Variants in CAMTA1 observed in about 807,000 individuals in gnomAD.
The protein encoded by CAMTA1 is calmodulin-binding transcription activator 1.
CAMTA1 carries 27 observed loss-of-function variants against 170.9 expected under a neutral mutation model. The observed-to-expected ratio is 0.16, with a 90% CI of 0.12 to 0.22. The LOEUF (loss-of-function observed/expected upper bound fraction) is 0.22. CAMTA1 is among the 10% of genes least tolerant of loss of function. The probability of loss-of-function intolerance (pLI) is 1.00; values close to 1 mark genes in which losing one functional copy is unlikely to be tolerated. For missense variants in CAMTA1, 1,619 were observed against 2,217.2 expected (o/e 0.73, Z 5.42); for synonymous variants, 833 against 891.5 (o/e 0.93, Z 1.17).
intron 21 of CAMTA1, among the ~76,000 whole-genome samples, chr1:7,755,299 C>G (rs2096923405): frequency 7.0e-6 from 1 of 142,330 alleles, no homozygotes; most frequent in African/African-American, 2.7e-5. Context: ...TGCTCTCCAG[C>G]CTGGGCGACA....
chr1:6,792,390 T>C (rs1641369622), intron 1 of CAMTA1, among the ~76,000 whole-genome samples: 1 of 151,778 alleles, frequency 6.6e-6, no homozygotes, highest in African/African-American at 2.4e-5. Context: ...ATTTCTAAGG[T>C]TGTATTGCAT....
intron 11 of CAMTA1, among the ~76,000 whole-genome samples, chr1:7,686,534 G>T (rs1411815625): frequency 2.0e-5 from 3 of 151,930 alleles, no homozygotes; most frequent in Admixed American, 6.5e-5. Context: ...ATGGGAGAGG[G>T]CCAGGGGGTT....
intron 11 of CAMTA1, among the ~76,000 whole-genome samples, chr1:7,705,138 T>C (rs905180024): frequency 6.7e-6 from 1 of 149,006 alleles, no homozygotes; most frequent in African/African-American, 2.5e-5. Context: ...CGCGCGTTTC[T>C]GGCGCGAGTG....
At chr1:6,945,007 G>T (rs944414873) in intron 3 of CAMTA1, among the ~76,000 whole-genome samples, 16 of 152,114 alleles carry the variant, frequency 1.1e-4, no homozygotes, top group African/African-American at 3.9e-4. Flanking sequence ...GTCGAGGAGC[G>T]CCTGCGTGTG....
chr1:7,427,911 C>G (rs749584015), intron 5 of CAMTA1, among the ~76,000 whole-genome samples: 9 of 152,174 alleles, frequency 5.9e-5, no homozygotes, highest in Non-Finnish European at 1.0e-4. Context: ...GCGACTCATC[C>G]TTTCCTTTCT....
chr1:7,045,667 A>G (rs1705270244), intron 3 of CAMTA1, among the ~76,000 whole-genome samples: 1 of 152,258 alleles, frequency 6.6e-6, no homozygotes, highest in Non-Finnish European at 1.5e-5. Context: ...GATTCCAGAT[A>G]TGAAATTGGC....
chr1:7,110,453 C>T (rs1021033997), intron 4 of CAMTA1, among the ~76,000 whole-genome samples: 1 of 152,172 alleles, frequency 6.6e-6, no homozygotes, highest in Non-Finnish European at 1.5e-5. Flanking sequence ...AGCTGAATTG[C>T]CCGAGCAGGC....
Position 7,493,309 on chromosome 1 carries a change from GCACA to G in CAMTA1, c.510+25411_510+25414del, listed in dbSNP as rs993770128. Reference sequence around the variant, plus strand: ...CGCACAAACACAAACATACAAATGCGCACACAAACAAACCTACGTACACACACAT... The same window carrying G: ...CGCACAAACACAAACATACAAATGCGCAAACAAACCTACGTACACACACAT... On this transcript the variant is annotated intron_variant, in intron 6 of 22. Transcript: ENST00000303635. Among the ~76,000 whole-genome samples the G allele has an allele frequency of 1.4e-4, 10 of 70,222 alleles. 1 individual carries two copies. The highest frequency in any genetic ancestry group is 2.8e-4 in the Admixed American group (2 of 7,104). The allele number at this position is 70,222 out of a possible 152,430, so 46.1% of individuals were successfully genotyped here. A position where few individuals can be genotyped will look rare whatever the true frequency, so the allele number is the denominator to read the frequency against.
chr1:7,208,517 A>G (rs1249184148), intron 4 of CAMTA1, among the ~76,000 whole-genome samples: 1 of 152,042 alleles, frequency 6.6e-6, no homozygotes, highest in Admixed American at 6.5e-5. Flanking sequence ...CAGGGGCTTG[A>G]CTCTTGAAAA....
intron 6 of CAMTA1, among the ~76,000 whole-genome samples, chr1:7,552,767 T>C (rs1339452178): frequency 6.6e-6 from 1 of 152,220 alleles, no homozygotes; most frequent in African/African-American, 2.4e-5. Context: ...GAGGCTGGGT[T>C]AGGGGAAGAG....
intron 4 of CAMTA1, among the ~76,000 whole-genome samples, chr1:7,151,603 G>A (rs559675460): frequency 5.8e-4 from 89 of 152,270 alleles, no homozygotes; most frequent in Admixed American, 2.0e-3. Context: ...CCAATTCCTC[G>A]CTATGCCCAA....
At chr1:7,187,929 T>A (rs1314077700) in intron 4 of CAMTA1, among the ~76,000 whole-genome samples, 1 of 152,168 alleles carries the variant, frequency 6.6e-6, no homozygotes, top group Non-Finnish European at 1.5e-5. Context: ...TATAAAGAAA[T>A]ACCCAAGACT....
intron 5 of CAMTA1, among the ~76,000 whole-genome samples, chr1:7,301,163 G>A (rs1335370523): frequency 6.6e-6 from 1 of 152,206 alleles, no homozygotes; most frequent in East Asian, 1.9e-4. Context: ...AGTGCACCTA[G>A]TCACCCGGCA....
At chr1:7,501,842 T>C (rs2094010630) in intron 6 of CAMTA1, among the ~76,000 whole-genome samples, 1 of 152,112 alleles carries the variant, frequency 6.6e-6, no homozygotes, top group South Asian at 2.1e-4. Context: ...AGACACCCAC[T>C]GGGATCCAAA....
chr1:6,984,014 G>A (rs1042016173), intron 3 of CAMTA1, among the ~76,000 whole-genome samples: 3 of 21,130 alleles, frequency 1.4e-4, no homozygotes, highest in Non-Finnish European at 2.0e-4. Flanking sequence ...GGAGGGATGG[G>A]TGGTTGGGCA....
chr1:6,944,442 ACACCC>A (rs1177287832), intron 3 of CAMTA1, among the ~76,000 whole-genome samples: 1 of 152,040 alleles, frequency 6.6e-6, no homozygotes, highest in East Asian at 1.9e-4. Context: ...CAGGACCTGT[ACACCC>A]CACCCCATCA....
At position 7,766,758 on chromosome 1, in the gene CAMTA1, G is replaced by A. The variant is rs1262110999; in HGVS notation, c.*267G>A. Reference sequence around the variant, plus strand: ...GGAACTCAATCTTCTGTTGGATCACGGGAAATCAAGACACCCAGGAGGAAT... The same window carrying A: ...GGAACTCAATCTTCTGTTGGATCACAGGAAATCAAGACACCCAGGAGGAAT... On this transcript the variant is annotated 3_prime_UTR_variant, in exon 23 of 23. Transcript: ENST00000303635. 3.0e-5 allele frequency: 14 copies of A among 469,376 alleles called. No individual in the cohort carries two copies. In the South Asian group the frequency reaches 3.8e-4, roughly 13 times the overall value. The allele number at this position is 469,376 out of a possible 1,614,324, so 29.1% of individuals were successfully genotyped here. A position where few individuals can be genotyped will look rare whatever the true frequency, so the allele number is the denominator to read the frequency against.
At chr1:7,704,338 G>C (rs2096480629) in intron 11 of CAMTA1, among the ~76,000 whole-genome samples, 1 of 145,936 alleles carries the variant, frequency 6.9e-6, no homozygotes, top group African/African-American at 2.5e-5. Flanking sequence ...CGTCGGCCCG[G>C]GCAGCGGGCG....
chr1:6,920,960 A>G (rs547204836), intron 3 of CAMTA1, among the ~76,000 whole-genome samples: 1 of 152,332 alleles, frequency 6.6e-6, no homozygotes, highest in Non-Finnish European at 1.5e-5. Flanking sequence ...GACAAGCCCT[A>G]GAGACATTTT....
Sources: gnomAD v4.1 joint callset for allele counts (sites outside exome capture counted in the v4.1 genomes callset) on GRCh38, gnomAD v4.1.1 for gene constraint, MANE v1.5 for transcripts, NCBI Gene and HGNC (gene_info 2026-07-23, HGNC 2026-07-21) for gene names.